ABHD17B: variants seen among roughly 807,000 people sequenced by gnomAD.
ABHD17B encodes the protein abhydrolase domain containing 17B, depalmitoylase.
ABHD17B carries 9 observed loss-of-function variants against 26.2 expected under a neutral mutation model. The observed-to-expected ratio is 0.34, with a 90% CI of 0.21 to 0.60. The LOEUF (loss-of-function observed/expected upper bound fraction) is 0.60. Ranked by LOEUF, ABHD17B falls within the 20% of genes least tolerant of loss-of-function variation. The pLI is 0.80. For missense variants in ABHD17B, 224 were observed against 352.1 expected (o/e 0.64, Z 2.91); for synonymous variants, 127 against 122.3 (o/e 1.04, Z -0.25).
At chr9:71,881,510 T>C (rs1353293045) in intron 1 of ABHD17B, among the ~76,000 whole-genome samples, 2 of 152,140 alleles carry the variant, frequency 1.3e-5, no homozygotes, top group East Asian at 3.8e-4. Flanking sequence ...AATTAAAAAC[T>C]TTCATGTTTC....
rs561603766 is a variant in ABHD17B at position 71,883,721 on chromosome 9, G to A, written c.-3-8638C>T. On this transcript the variant is annotated intron_variant, in intron 1 of 3. Coordinates refer to ENST00000333421, the MANE Select transcript of ABHD17B (RefSeq NM_001025780.3). ...GGAGGACAAGGCAGGTGGATCACCT[G>A]AGGTCAGGAGTTCAGGACCAACCTG... is the stretch of plus-strand genomic sequence containing the variant. Among the ~76,000 whole-genome samples the A allele has an allele frequency of 7.9e-5, 12 of 152,308 alleles. No homozygotes were observed. In the South Asian group the frequency reaches 2.5e-3, roughly 32 times the overall value.
chr9:71,888,226 T>C (rs918428762), intron 1 of ABHD17B, among the ~76,000 whole-genome samples: 1 of 152,240 alleles, frequency 6.6e-6, no homozygotes, highest in African/African-American at 2.4e-5. Context: ...TATAAAACTT[T>C]TGGTGACTGG....
chr9:71,881,194 T>C (rs1826431788), intron 1 of ABHD17B, among the ~76,000 whole-genome samples: 1 of 152,200 alleles, frequency 6.6e-6, no homozygotes, highest in Non-Finnish European at 1.5e-5. Context: ...ACCTGACATT[T>C]ATGGTCAGTT....
intron 3 of ABHD17B, 70 bp downstream of exon 3, chr9:71,870,013 T>C: frequency 7.3e-7 from 1 of 1,375,032 alleles, no homozygotes; most frequent in South Asian, 1.4e-5. Context: ...AACTGTGTCA[T>C]GAATACTTTA....
At chr9:71,883,498 A>G (rs1336463192) in intron 1 of ABHD17B, among the ~76,000 whole-genome samples, 6 of 152,236 alleles carry the variant, frequency 3.9e-5, no homozygotes, top group Non-Finnish European at 7.3e-5. Flanking sequence ...ACATGGGTAA[A>G]GTGGTTGGAT....
intron 3 of ABHD17B, among the ~76,000 whole-genome samples, chr9:71,867,845 C>G (rs543701152): frequency 3.3e-4 from 50 of 152,136 alleles, no homozygotes; most frequent in African/African-American, 1.1e-3. Flanking sequence ...TACTATGAAC[C>G]CATTTTCCCT....
rs1827095892 is a variant in ABHD17B at position 71,900,370 on chromosome 9, TA to T, written c.-4+10263del. Among the ~76,000 whole-genome samples, 2 of 152,204 alleles carry T rather than the reference TA, an allele frequency of 1.3e-5. 1 individual carries two copies. Among genetic ancestry groups the T allele is most frequent in the African/African-American group, 4.8e-5 (2 of 41,552 alleles). On this transcript the variant is annotated intron_variant, in intron 1 of 3. Coordinates refer to ENST00000333421, the MANE Select transcript of ABHD17B (RefSeq NM_001025780.3). ...CCTTGATGGCTTCTCTCTCTACTTG[TA>T]AAAAAATCAAGGTTCGGGGACGGTG...
At chr9:71,888,297 T>A (rs1279646695) in intron 1 of ABHD17B, among the ~76,000 whole-genome samples, 1 of 152,234 alleles carries the variant, frequency 6.6e-6, no homozygotes, top group Non-Finnish European at 1.5e-5. Context: ...GAGCGTAAGC[T>A]AGACATGAAC....
At chr9:71,886,421 CAAAAA>C (rs5898239) in intron 1 of ABHD17B, among the ~76,000 whole-genome samples, 5 of 126,882 alleles carry the variant, frequency 3.9e-5, no homozygotes, top group Admixed American at 3.2e-4. Flanking sequence ...GACCCTGTCT[CAAAAA>C]AAAAAAAAAA....
intron 1 of ABHD17B, among the ~76,000 whole-genome samples, chr9:71,901,083 C>T (rs1827123599): frequency 6.6e-6 from 1 of 151,780 alleles, no homozygotes. Flanking sequence ...ACCCGGGAGG[C>T]GGAGCTTGCA....
rs550742382 is a variant in ABHD17B at position 71,891,135 on chromosome 9, C to G, written c.-3-16052G>C. Among the ~76,000 whole-genome samples the G allele has an allele frequency of 3.9e-5, 6 of 152,284 alleles. No homozygotes were observed. In the East Asian group the frequency reaches 9.6e-4, roughly 24 times the overall value. The stretch of plus-strand genomic sequence containing the variant: ...TCTGCTTCAGAATTATAGGTTGTTT[C>G]TTAAAATTCTCCTCGAAATTTAAAT... On this transcript the variant is annotated intron_variant, in intron 1 of 3. Coordinates refer to ENST00000333421, the MANE Select transcript of ABHD17B (RefSeq NM_001025780.3).
chr9:71,868,574 G>C (rs1220949449), intron 3 of ABHD17B, among the ~76,000 whole-genome samples: 4 of 152,170 alleles, frequency 2.6e-5, no homozygotes, highest in Admixed American at 6.5e-5. Context: ...ATCTAAGGCT[G>C]CATTTGGTAA....
chr9:71,904,147 C>A (rs1348885028), intron 1 of ABHD17B, among the ~76,000 whole-genome samples: 1 of 152,226 alleles, frequency 6.6e-6, no homozygotes, highest in African/African-American at 2.4e-5. Flanking sequence ...CCTTACCCCT[C>A]TCTATGTTTT....
chr9:71,891,653 G>A (rs1263187317), intron 1 of ABHD17B, among the ~76,000 whole-genome samples: 2 of 152,138 alleles, frequency 1.3e-5, no homozygotes, highest in African/African-American at 4.8e-5. Flanking sequence ...AGGACTGACT[G>A]CAGAATTGGA....
chr9:71,880,438 A>G (rs759957569), intron 1 of ABHD17B, among the ~76,000 whole-genome samples: 2 of 152,172 alleles, frequency 1.3e-5, no homozygotes, highest in Non-Finnish European at 1.5e-5. Context: ...AAATCTTCCA[A>G]TGTTAAACCA....
chr9:71,864,365 G>A (rs531880721), downstream of ABHD17B, among the ~76,000 whole-genome samples: 75 of 151,694 alleles, frequency 4.9e-4, no homozygotes, highest in African/African-American at 1.5e-3. Flanking sequence ...GACTACAGGC[G>A]CGTGCCACCA....
At chr9:71,872,414 T>TAAAAG (rs531564934) in intron 2 of ABHD17B, among the ~76,000 whole-genome samples, 9 of 152,032 alleles carry the variant, frequency 5.9e-5, no homozygotes, top group Non-Finnish European at 1.2e-4. Context: ...ATGCCAAGAT[T>TAAAAG]AAAAGAAAAG....
In ABHD17B at chr9:71,910,963, G is replaced by T; in HGVS notation, c.-333C>A. ...CCGCCGCTGCCCGTCGGTTGCTCTC[G>T]GGCCTCACGTCCCGCGCGGCCGTGG... On this transcript the variant is annotated 5_prime_UTR_variant, in exon 1 of 4. Coordinates refer to ENST00000333421, the MANE Select transcript of ABHD17B (RefSeq NM_001025780.3). The T allele has an allele frequency of 6.5e-6, 1 of 153,614 alleles. No individual in the cohort carries two copies. The highest frequency in any genetic ancestry group is 1.8e-4 in the South Asian group (1 of 5,528). 9.5% of individuals were successfully genotyped at this position (153,614 alleles called of 1,614,324 possible).
chr9:71,901,144 T>G (rs1827126018), intron 1 of ABHD17B, among the ~76,000 whole-genome samples: 1 of 152,086 alleles, frequency 6.6e-6, no homozygotes, highest in Non-Finnish European at 1.5e-5. Context: ...AGAGCGAGAC[T>G]CTGTCTCAAA....
Sources: gnomAD v4.1 joint callset for allele counts (sites outside exome capture counted in the v4.1 genomes callset) on GRCh38, gnomAD v4.1.1 for gene constraint, MANE v1.5 for transcripts, NCBI Gene and HGNC (gene_info 2026-07-23, HGNC 2026-07-21) for gene names.